The following FALEC variants were observed in gnomAD, a reference collection of about 807,000 sequenced individuals.
FALEC encodes focally amplified lncRNA on chromosome 1.
At chr1:150,517,470 A>G (rs777651849) in intron 1 of FALEC, among the ~76,000 whole-genome samples, 5 of 152,086 alleles carry the variant, frequency 3.3e-5, no homozygotes, top group Admixed American at 6.6e-5. Flanking sequence ...TGTACCCCCA[A>G]ATGCATTTGT....
the FALEC span, among the ~76,000 whole-genome samples, chr1:150,531,916 T>C: frequency 6.6e-6 from 1 of 152,222 alleles, no homozygotes; most frequent in Non-Finnish European, 1.5e-5. Flanking sequence ...AAAATGCAAG[T>C]GCAGATGGCT....
downstream of FALEC, among the ~76,000 whole-genome samples, chr1:150,520,074 G>A (rs779467384): frequency 3.3e-5 from 5 of 152,018 alleles, no homozygotes; most frequent in East Asian, 1.9e-4. Flanking sequence ...ACTTGAATCC[G>A]GGAGGTGGAG....
chr1:150,533,117 G>A, the FALEC span, among the ~76,000 whole-genome samples: 1 of 152,230 alleles, frequency 6.6e-6, no homozygotes, highest in Admixed American at 6.5e-5. Context: ...GGCATGAAGG[G>A]CCTTCTTGGC....
chr1:150,535,170 T>A, the FALEC span, among the ~76,000 whole-genome samples: 3 of 152,168 alleles, frequency 2.0e-5, no homozygotes, highest in Non-Finnish European at 4.4e-5. Flanking sequence ...CGAAATGGCT[T>A]CCTCTGAGGG....
chr1:150,524,167 A>G, the FALEC span, among the ~76,000 whole-genome samples: 25 of 152,132 alleles, frequency 1.6e-4, 1 homozygote, highest in East Asian at 4.6e-3. Context: ...AATTTTTTTT[A>G]GAGGTGGTAT....
downstream of FALEC, among the ~76,000 whole-genome samples, chr1:150,520,683 A>T (rs1414680672): frequency 6.6e-6 from 1 of 152,084 alleles, no homozygotes; most frequent in Non-Finnish European, 1.5e-5. Flanking sequence ...ATGGAATCAG[A>T]ATAATTACAA....
At chr1:150,523,955 T>C in the FALEC span, among the ~76,000 whole-genome samples, 4 of 152,094 alleles carry the variant, frequency 2.6e-5, no homozygotes, top group Non-Finnish European at 1.5e-5. Context: ...ATCAAGGTGA[T>C]TGATGTGGGC....
chr1:150,522,979 A>ATTT (rs1560270901), downstream of FALEC, among the ~76,000 whole-genome samples: 2 of 22,878 alleles, frequency 8.7e-5, no homozygotes, highest in Non-Finnish European at 1.5e-4. Context: ...ATATATATAT[A>ATTT]TATATTTTTT....
chr1:150,522,029 G>A (rs1670649900), downstream of FALEC, among the ~76,000 whole-genome samples: 1 of 152,022 alleles, frequency 6.6e-6, no homozygotes, highest in Non-Finnish European at 1.5e-5. Flanking sequence ...CAGATCACCT[G>A]AGGGCAGGAG....
chr1:150,526,656 C>A, the FALEC span, among the ~76,000 whole-genome samples: 1 of 151,318 alleles, frequency 6.6e-6, no homozygotes, highest in South Asian at 2.1e-4. Flanking sequence ...TTTTTTGAGG[C>A]GGAGTCTCAC....
Position 150,516,405 on chromosome 1 carries a change from G to A in FALEC, n.306+343G>A, listed in dbSNP as rs1233265464. On this transcript the variant is annotated intron_variant and non_coding_transcript_variant, in intron 1 of 1. Coordinates refer to ENST00000416894, the Ensembl canonical transcript of FALEC. ...CAAACCCTAGCAGTTTAGTCTGTCGGGGAGGAGAGGAAGGGAACCCGGAGA... is the reference window on the plus strand; with the variant it reads ...CAAACCCTAGCAGTTTAGTCTGTCGAGGAGGAGAGGAAGGGAACCCGGAGA... Among the ~76,000 whole-genome samples the A allele has an allele frequency of 2.6e-5, 4 of 152,344 alleles. No homozygotes were observed. In the East Asian group the frequency reaches 7.7e-4, roughly 29 times the overall value.
At chr1:150,518,217 C>T (rs1170448250), downstream of FALEC, among the ~76,000 whole-genome samples, 1 of 152,122 alleles carries the variant, frequency 6.6e-6, no homozygotes, top group Non-Finnish European at 1.5e-5. Flanking sequence ...TGGGCCCATC[C>T]TCTTTACCCT....
chr1:150,524,471 A>G, the FALEC span, among the ~76,000 whole-genome samples: 2 of 152,238 alleles, frequency 1.3e-5, no homozygotes, highest in Non-Finnish European at 2.9e-5. Context: ...AAACCAGAGT[A>G]TAGTTGAGTT....
the FALEC span, among the ~76,000 whole-genome samples, chr1:150,527,399 C>T: frequency 1.3e-5 from 2 of 151,734 alleles, no homozygotes; most frequent in African/African-American, 4.8e-5. Flanking sequence ...GCTGGGATTA[C>T]AGGTGCCCAC....
downstream of FALEC, among the ~76,000 whole-genome samples, chr1:150,520,429 C>A (rs1670623927): frequency 6.6e-6 from 1 of 152,182 alleles, no homozygotes; most frequent in African/African-American, 2.4e-5. Flanking sequence ...TGTCCTTTTG[C>A]ATCTGGCTTA....
intron 1 of FALEC, among the ~76,000 whole-genome samples, chr1:150,517,398 T>G (rs1670581872): frequency 6.6e-6 from 1 of 151,952 alleles, no homozygotes; most frequent in Admixed American, 6.6e-5. Context: ...TGCTGGTGTC[T>G]AGGGTGACTA....
At chr1:150,522,904 C>CATATATACAT (rs1378545478), downstream of FALEC, among the ~76,000 whole-genome samples, 10,122 of 71,974 alleles carry the variant, frequency 0.14, 1,631 homozygotes, top group African/African-American at 0.22. Flanking sequence ...TATATATATA[C>CATATATACAT]ATATATATAC....
chr1:150,522,974 TATA>T (rs1560270873), downstream of FALEC, among the ~76,000 whole-genome samples: 81 of 52,378 alleles, frequency 1.5e-3, 7 homozygotes, highest in African/African-American at 3.2e-3. Context: ...TATATATATA[TATA>T]TATATATTTT....
the FALEC span, among the ~76,000 whole-genome samples, chr1:150,535,417 T>C: frequency 1.3e-5 from 2 of 152,204 alleles, no homozygotes; most frequent in Admixed American, 6.5e-5. Flanking sequence ...CTAATTTTTG[T>C]ATTTTTAGTG....
Sources: gnomAD v4.1 joint callset for allele counts (sites outside exome capture counted in the v4.1 genomes callset) on GRCh38, gnomAD v4.1.1 for gene constraint, MANE v1.5 for transcripts, NCBI Gene and HGNC (gene_info 2026-07-23, HGNC 2026-07-21) for gene names.